NUP98: variants seen among roughly 807,000 people sequenced by gnomAD.
The protein encoded by NUP98 is nucleoporin 98 and 96 precursor, also known as nuclear pore complex protein Nup98-Nup96.
Under a neutral mutation model 191.9 loss-of-function variants are expected in NUP98, and 26 were observed. The observed-to-expected ratio is 0.14, with a 90% CI of 0.10 to 0.19. The LOEUF (loss-of-function observed/expected upper bound fraction) is 0.19, where lower values mean the gene tolerates loss of function less well. Among genes scored for constraint, NUP98 ranks in the 10% least tolerant of loss-of-function variants. The pLI is 1.00. For synonymous variants in NUP98, 808 were observed against 778.4 expected, an observed-to-expected ratio of 1.04 and a Z score of -0.63; for missense variants, 1,941 against 2,178.8, an observed-to-expected ratio of 0.89 and a Z score of 2.17.
At chr11:3,678,258 C>G (rs2077880004) in intron 31 of NUP98, among the ~76,000 whole-genome samples, 1 of 151,794 alleles carries the variant, frequency 6.6e-6, no homozygotes, top group East Asian at 1.9e-4. Context: ...TACTGTCTAC[C>G]CCACCCACCT....
intron 22 of NUP98, among the ~76,000 whole-genome samples, chr11:3,703,983 C>T (rs1000506954): frequency 5.3e-5 from 8 of 152,082 alleles, no homozygotes; most frequent in African/African-American, 1.4e-4. Context: ...CCACTGTGCC[C>T]GGCTGAAGGA....
At chr11:3,698,221 T>C (rs1483144855) in intron 25 of NUP98, among the ~76,000 whole-genome samples, 1 of 152,218 alleles carries the variant, frequency 6.6e-6, no homozygotes, top group Non-Finnish European at 1.5e-5. Flanking sequence ...TTCACAAGCA[T>C]ATGTCACAGT....
chr11:3,761,589 T>G (rs1589904962), intron 9 of NUP98, among the ~76,000 whole-genome samples: 1 of 152,016 alleles, frequency 6.6e-6, no homozygotes, highest in South Asian at 2.1e-4. Flanking sequence ...GAAACCCCAT[T>G]CTCTACTAAA....
chr11:3,677,033 A>G (rs1350770066), intron 31 of NUP98, among the ~76,000 whole-genome samples: 1 of 152,212 alleles, frequency 6.6e-6, no homozygotes, highest in Non-Finnish European at 1.5e-5. Context: ...ACACCAAAAA[A>G]GCTGTGTGCA....
At position 3,797,519 on chromosome 11, in the gene NUP98, G is replaced by A. The variant is rs1459613601; in HGVS notation, c.-148C>T. On this transcript the variant is annotated 5_prime_UTR_variant, in exon 1 of 33. Transcript: ENST00000324932. ...GCCGCTACCACCCCTGCCACCGACC[G>A]CCGCTTCGGGCGCAGCGCGCAGAGG... 8 of 441,342 alleles carry A rather than the reference G, an allele frequency of 1.8e-5. No homozygotes were observed. Among genetic ancestry groups the A allele is most frequent in the Middle Eastern group, 5.8e-4 (1 of 1,734 alleles). 27.3% of individuals were successfully genotyped at this position (441,342 alleles called of 1,614,324 possible).
At position 3,706,468 on chromosome 11, in the gene NUP98, C is replaced by T; in HGVS notation, c.2902G>A (p.Gly968Arg). Reference protein sequence around the residue: ...SASTHIASSLGINPHVLQIMK... With the variant: ...SASTHIASSLRINPHVLQIMK... ...ACCTGTAAGACATGTGGATTAATTCCCAGTGAAGATGCAATATGTGTTGAG... is the reference window on the plus strand; with the variant it reads ...ACCTGTAAGACATGTGGATTAATTCTCAGTGAAGATGCAATATGTGTTGAG... The change falls in exon 21 of 33, where the codon GGA (glycine) becomes AGA (arginine). Residue 968 changes from glycine to arginine, a missense_variant. Around this residue, in one of 6 missense-constraint regions of NUP98, gnomAD observed 1,030 missense variants for 1,115.8 expected, o/e 0.92. Transcript: ENST00000324932. 2 of 1,613,972 alleles carry T rather than the reference C, an allele frequency of 1.2e-6. No homozygotes were observed. Among genetic ancestry groups the T allele is most frequent in the East Asian group, 2.2e-5 (1 of 44,876 alleles).
intron 12 of NUP98, 43 bp from the exon 13 acceptor site, chr11:3,735,367 TAAATGCAAGGATACAATGCA>T: frequency 2.8e-6 from 3 of 1,069,146 alleles, no homozygotes; most frequent in Non-Finnish European, 3.7e-6. Flanking sequence ...TATATATATA[TAAATGCAAGGATACAATGCA>T]TTTGTAACAC....
At position 3,796,290 on chromosome 11, in the gene NUP98, C is replaced by G. The variant is rs571263497; in HGVS notation, c.-29+1110G>C. Among the ~76,000 whole-genome samples, 3 of 152,186 alleles carry G rather than the reference C, an allele frequency of 2.0e-5. No individual in the cohort carries two copies. In the East Asian group the frequency reaches 5.8e-4, roughly 29 times the overall value. ...TACAACTACTACAAACGGACTCCTA[C>G]CTGGCTTTCTAAGTCTTATCAATAT... On this transcript the variant is annotated intron_variant, in intron 1 of 32. Coordinates refer to ENST00000324932, the MANE Select transcript of NUP98 (RefSeq NM_016320.5).
intron 28 of NUP98, among the ~76,000 whole-genome samples, chr11:3,687,407 T>A (rs1341978547): frequency 6.6e-6 from 1 of 152,182 alleles, no homozygotes; most frequent in Admixed American, 6.6e-5. Context: ...AATTTACCAA[T>A]TTTTTTCTCT....
chr11:3,743,343 A>G (rs2080356192), intron 12 of NUP98, among the ~76,000 whole-genome samples: 1 of 150,476 alleles, frequency 6.6e-6, no homozygotes, highest in South Asian at 2.1e-4. Flanking sequence ...AAGCTATTTA[A>G]ATTAAAAAGT....
intron 11 of NUP98, among the ~76,000 whole-genome samples, chr11:3,745,770 C>G (rs1216056157): frequency 6.6e-6 from 1 of 152,076 alleles, no homozygotes; most frequent in Non-Finnish European, 1.5e-5. Flanking sequence ...TTCTTTTTAA[C>G]ATATCAACTG....
At chr11:3,714,828 T>C (rs1446190316) in intron 18 of NUP98, 5 of 152,380 alleles carry the variant, frequency 3.3e-5, no homozygotes, top group African/African-American at 9.6e-5. Context: ...ACCATGCTAA[T>C]CTTCTCTGTA....
At chr11:3,687,843 C>G (rs1182806030) in intron 28 of NUP98, among the ~76,000 whole-genome samples, 1 of 151,634 alleles carries the variant, frequency 6.6e-6, no homozygotes, top group African/African-American at 2.4e-5. Flanking sequence ...GGGTGGATCA[C>G]GAGGTCAGGA....
chr11:3,760,396 T>G (rs1307768448), intron 10 of NUP98, 143 bp downstream of exon 10: 1 of 1,297,790 alleles, frequency 7.7e-7, no homozygotes, highest in Admixed American at 1.9e-5. Context: ...ACCTGAGAAC[T>G]TTTAAATATT....
intron 1 of NUP98, among the ~76,000 whole-genome samples, chr11:3,782,838 G>A (rs929537737): frequency 2.6e-5 from 4 of 152,014 alleles, no homozygotes; most frequent in African/African-American, 4.8e-5. Context: ...GATTACAGGC[G>A]CAAACCACCG....
rs140242142 is a variant in NUP98, at chr11:3,702,566, C to A, written c.3409G>T (p.Ala1137Ser). ...CCATTCAGCTGTTCTCCACTATTAGCAAGAGTCCAGTTGGGGCCCCAACCA... is the reference window on the plus strand; with the variant it reads ...CCATTCAGCTGTTCTCCACTATTAGAAAGAGTCCAGTTGGGGCCCCAACCA... ...RVGWGPNWTL[A>S]NSGEQLNGSH... Residue 1137 changes from alanine to serine, a missense_variant, in exon 23 of 33, where the codon GCT becomes TCT. Physicochemically the swap from Ala to Ser is moderately conservative, Grantham distance 99. This residue lies in a region of NUP98 where 1,030 missense variants were observed against 1,115.8 expected (regional missense o/e 0.92). Coordinates refer to ENST00000324932, the MANE Select transcript of NUP98 (RefSeq NM_016320.5). The A allele has an allele frequency of 9.3e-6, 15 of 1,613,998 alleles. No individual in the cohort carries two copies. In the African/African-American group the frequency reaches 1.7e-4, roughly 19 times the overall value.
At chr11:3,698,936 C>T (rs1215538929) in intron 25 of NUP98, 146 bp downstream of exon 25, 10 of 857,788 alleles carry the variant, frequency 1.2e-5, no homozygotes, top group East Asian at 4.9e-5. Flanking sequence ...ACATATTCCA[C>T]GGGAACCAGC....
Position 3,705,349 on chromosome 11 carries a change from T to C in NUP98, c.2933A>G (p.Lys978Arg), listed in dbSNP as rs200113104. 2 of 1,613,816 alleles carry C rather than the reference T, an allele frequency of 1.2e-6. No homozygotes were observed. Among genetic ancestry groups the C allele is most frequent in the South Asian group, 2.2e-5 (2 of 91,074 alleles). The change falls in exon 22 of 33, where the codon AAA becomes AGA. Residue 978 changes from lysine to arginine, a missense_variant. By Grantham distance (26) the Lys-to-Arg change is conservative. Coordinates refer to ENST00000324932, the MANE Select transcript of NUP98 (RefSeq NM_016320.5). The part of the protein sequence containing the change: ...GINPHVLQIM[K>R]ASLLTDEEDV... ...TTCTTCATCAGTAAGCAATGATGCT[T>C]TCATGATCTAAAAAGGCAATATCTA... is the stretch of plus-strand genomic sequence containing the variant.
At chr11:3,709,629 C>T (rs1407252190) in intron 20 of NUP98, among the ~76,000 whole-genome samples, 1 of 150,844 alleles carries the variant, frequency 6.6e-6, no homozygotes, top group Non-Finnish European at 1.5e-5. Context: ...TTGCTTGGTC[C>T]CAAGAGTTCA....
Sources: allele counts gnomAD v4.1 joint callset (sites outside exome capture counted in the v4.1 genomes callset), GRCh38; gene constraint gnomAD v4.1.1; regional missense constraint gnomAD v4.1.1; transcripts MANE v1.5; gene names NCBI Gene and HGNC (gene_info 2026-07-23, HGNC 2026-07-21).